ZXDC: variants seen among roughly 807,000 people sequenced by gnomAD.
ZXDC encodes ZXD family zinc finger C.
A neutral mutation model predicts 63.6 loss-of-function variants in ZXDC; 58 were observed. The observed-to-expected ratio is 0.91, with a 90% CI of 0.74 to 1.13. The LOEUF is 1.13. Ranked by LOEUF, ZXDC falls within the 50% of genes most tolerant of loss-of-function variation. The pLI is 0.00. For missense variants in ZXDC, 1,133 were observed against 1,148.9 expected (o/e 0.99, Z 0.20); for synonymous variants, 561 against 496.1 (o/e 1.13, Z -1.74).
chr3:126,457,731 T>TA, intron 7 of ZXDC: 1 of 854,414 alleles, frequency 1.2e-6, no homozygotes, highest in Non-Finnish European at 1.4e-6. Flanking sequence ...ATGACAGATT[T>TA]AGAGTACCAC....
chr3:126,457,812 G>A, intron 7 of ZXDC: 1 of 326,048 alleles, frequency 3.1e-6, no homozygotes, highest in Non-Finnish European at 4.4e-6. Context: ...AGAGGCTGGG[G>A]GTCTCCTGCA....
chr3:126,440,374 C>A, intron 8 of ZXDC: 1 of 985,936 alleles, frequency 1.0e-6, no homozygotes, highest in Non-Finnish European at 1.2e-6. Context: ...AAGGTCTGCA[C>A]TACTGTTCCC....
Position 126,475,143 on chromosome 3 carries a change from T to G in ZXDC, c.723A>C (p.Pro241=), listed in dbSNP as rs1194994100. The G allele has an allele frequency of 6.2e-7, 1 of 1,609,046 alleles. No individual in the cohort carries two copies. Among genetic ancestry groups the G allele is most frequent in the African/African-American group, 1.3e-5 (1 of 74,924 alleles). ...SHDKLRPFGC[P]VGGCGKKFTT... ...TGAACTTCTTGCCACAGCCGCCCACTGGACAGCCGAAGGGCCGCAGCTTGT... is the reference window on the plus strand; with the variant it reads ...TGAACTTCTTGCCACAGCCGCCCACGGGACAGCCGAAGGGCCGCAGCTTGT... Residue 241 remains proline, a synonymous_variant, in exon 1 of 10, where the codon CCA becomes CCC. Coordinates refer to ENST00000389709, the MANE Select transcript of ZXDC (RefSeq NM_025112.5).
At chr3:126,448,472 C>CA (rs1417412872) in intron 7 of ZXDC, among the ~76,000 whole-genome samples, 1 of 152,256 alleles carries the variant, frequency 6.6e-6, no homozygotes, top group East Asian at 1.9e-4. Flanking sequence ...GACAGGACCC[C>CA]AAAGTGTCTG....
rs375043377 is a variant in ZXDC, at chr3:126,444,378, A to G, written c.2213-2432T>C. The stretch of plus-strand genomic sequence containing the variant: ...AAACCTCGTCTCTACTAAAAATACA[A>G]AAAATTAGCCAGTGGTGGTGGCGGG... On this transcript the variant is annotated intron_variant, in intron 7 of 9. Coordinates refer to ENST00000389709, the MANE Select transcript of ZXDC (RefSeq NM_025112.5). 5.5e-4 allele frequency among the ~76,000 whole-genome samples: 83 copies of G among 152,182 alleles called. 2 individuals are homozygous for G. The South Asian group carries it at 0.017, about 31-fold the overall frequency.
chr3:126,439,757 C>T, intron 8 of ZXDC, 30 bp from the exon 9 acceptor site: 2 of 1,544,440 alleles, frequency 1.3e-6, no homozygotes, highest in Non-Finnish European at 1.7e-6. Context: ...AGGCCTGTCA[C>T]ATGTCTGTGA....
intron 7 of ZXDC, chr3:126,452,647 G>A (rs2107638009): frequency 1.3e-6 from 1 of 769,186 alleles, no homozygotes; most frequent in South Asian, 5.9e-5. Flanking sequence ...CATTTGGTCA[G>A]AATAGTACAT....
In ZXDC at chr3:126,475,026, G is replaced by C; in HGVS notation, c.840C>G (p.His280Gln). The C allele has an allele frequency of 6.3e-7, 1 of 1,598,794 alleles. No homozygotes were observed. Among genetic ancestry groups the C allele is most frequent in the Non-Finnish European group, 8.5e-7 (1 of 1,173,248 alleles). Residue 280 changes from histidine to glutamine, a missense_variant, in exon 1 of 10, where the codon CAC becomes CAG. By Grantham distance (24) the His-to-Gln change is conservative. Coordinates refer to ENST00000389709, the MANE Select transcript of ZXDC (RefSeq NM_025112.5). ...CEVCAERFPT[H>Q]AKLSSHQRSH... is the part of the protein sequence containing the mutation. ...TGCGCTGGTGGGAGCTGAGCTTGGC[G>C]TGCGTGGGGAAGCGCTCGGCGCACA...
chr3:126,462,204 T>C lies in ZXDC; in HGVS notation c.1458A>G (p.Leu486=). Residue 486 remains leucine, a synonymous_variant, in exon 6 of 10, where the codon CTA becomes CTG. Coordinates refer to ENST00000389709, the MANE Select transcript of ZXDC (RefSeq NM_025112.5). ...HSRRQDLLPQ[L]EAPSSLTPSS... is the part of the protein sequence containing the mutation. ...TGGGAGTAAGAGAACTCGGAGCTTC[T>C]AGCTGAGGTAAGAGATCTGAAAAAA... 1 of 1,597,002 alleles carries C rather than the reference T, an allele frequency of 6.3e-7. No individual in the cohort carries two copies. The highest frequency in any genetic ancestry group is 8.5e-7 in the Non-Finnish European group (1 of 1,174,240).
intron 7 of ZXDC, among the ~76,000 whole-genome samples, chr3:126,455,892 C>T (rs1298652241): frequency 1.3e-5 from 2 of 151,746 alleles, no homozygotes; most frequent in South Asian, 2.1e-4. Context: ...CCCAGCTACT[C>T]GGGAGGCTGA....
chr3:126,455,427 C>T (rs1210104457), intron 7 of ZXDC, among the ~76,000 whole-genome samples: 1 of 152,136 alleles, frequency 6.6e-6, no homozygotes, highest in Non-Finnish European at 1.5e-5. Context: ...ATAAGTCCAC[C>T]GAGTGTCTGC....
At position 126,454,397 on chromosome 3, in the gene ZXDC, A is replaced by T. The variant is rs1934231416; in HGVS notation, c.2212+5256T>A. 12 of 985,344 alleles carry T rather than the reference A, an allele frequency of 1.2e-5. No individual in the cohort carries two copies. The South Asian group carries it at 1.9e-4, about 15-fold the overall frequency. The allele number at this position is 985,344 out of a possible 1,614,324, so 61.0% of individuals were successfully genotyped here. A position where few individuals can be genotyped will look rare whatever the true frequency, so the allele number is the denominator to read the frequency against. On this transcript the variant is annotated intron_variant, in intron 7 of 9. Coordinates refer to ENST00000389709, the MANE Select transcript of ZXDC (RefSeq NM_025112.5). The stretch of plus-strand genomic sequence containing the variant: ...GGCTACACATGAACAGCAACCAAAA[A>T]GAGGAAAAATCTTCTTTGTCCCCAT...
At position 126,475,029 on chromosome 3, in the gene ZXDC, C is replaced by G; in HGVS notation, c.837G>C (p.Thr279=). The G allele has an allele frequency of 1.3e-6, 2 of 1,598,456 alleles. No individual in the cohort carries two copies. The highest frequency in any genetic ancestry group is 1.7e-6 in the Non-Finnish European group (2 of 1,172,998). ...GCTGGTGGGAGCTGAGCTTGGCGTGCGTGGGGAAGCGCTCGGCGCACACCT... is the reference window on the plus strand; with the variant it reads ...GCTGGTGGGAGCTGAGCTTGGCGTGGGTGGGGAAGCGCTCGGCGCACACCT... ...KCEVCAERFP[T]HAKLSSHQRS... Residue 279 remains threonine (T), a synonymous_variant, in exon 1 of 10, where the codon ACG becomes ACC. Transcript: ENST00000389709.
intron 7 of ZXDC, chr3:126,453,701 C>A (rs540920358): frequency 6.5e-5 from 63 of 974,942 alleles, no homozygotes; most frequent in African/African-American, 4.4e-4. Context: ...TATTTTTTTT[C>A]TTTTTTTTTG....
At chr3:126,474,619 T>C (rs1436628303) in intron 1 of ZXDC, among the ~76,000 whole-genome samples, 2 of 152,026 alleles carry the variant, frequency 1.3e-5, no homozygotes, top group African/African-American at 2.4e-5. Context: ...CGTAAACAAA[T>C]GACGAGACTG....
intron 5 of ZXDC, among the ~76,000 whole-genome samples, chr3:126,465,435 C>G (rs1934717543): frequency 2.6e-5 from 4 of 152,246 alleles, no homozygotes; most frequent in African/African-American, 7.2e-5. Context: ...ACTTTCCTCT[C>G]TAACCCTGCC....
chr3:126,448,840 T>A (rs1418419255), intron 7 of ZXDC, among the ~76,000 whole-genome samples: 1 of 152,178 alleles, frequency 6.6e-6, no homozygotes, highest in Non-Finnish European at 1.5e-5. Context: ...AATCTCCCCC[T>A]AATGTTCCCA....
Position 126,438,470 on chromosome 3 carries a change from C to A in ZXDC, c.2491-9G>T. ...GATGAGGGGAGCACCTCCTGCAAAA[C>A]CAAGCATTGTCATGAAGAGGGAGGA... is the stretch of plus-strand genomic sequence containing the variant. On this transcript the variant is annotated splice_polypyrimidine_tract_variant and intron_variant, in intron 9 of 9. Transcript: ENST00000389709. The A allele has an allele frequency of 1.2e-6, 2 of 1,612,606 alleles. 1 individual carries two copies. The highest frequency in any genetic ancestry group is 2.2e-5 in the South Asian group (2 of 90,890).
chr3:126,447,673 A>T (rs928468617), intron 7 of ZXDC, among the ~76,000 whole-genome samples: 1 of 152,196 alleles, frequency 6.6e-6, no homozygotes, highest in African/African-American at 2.4e-5. Context: ...CTCTAGTATT[A>T]GGGAAATCTG....
Sources: allele counts gnomAD v4.1 joint callset (sites outside exome capture counted in the v4.1 genomes callset), GRCh38; gene constraint gnomAD v4.1.1; transcripts MANE v1.5; gene names NCBI Gene and HGNC (gene_info 2026-07-23, HGNC 2026-07-21).